ROBO2: variants seen among roughly 807,000 people sequenced by gnomAD.
ROBO2 encodes roundabout guidance receptor 2, also known as roundabout homolog 2.
A neutral mutation model predicts 160.8 loss-of-function variants in ROBO2; 53 were observed. The ratio of observed to expected loss-of-function variants is 0.33; its 90% confidence interval spans 0.26 to 0.41. ROBO2 has a LOEUF of 0.41. Among genes scored for constraint, ROBO2 ranks in the 10% least tolerant of loss-of-function variants. ROBO2 has a pLI of 1.00. For missense variants in ROBO2, 1,577 were observed against 1,722.4 expected, an observed-to-expected ratio of 0.92 and a Z score of 1.49; for synonymous variants, 664 against 611.7, an observed-to-expected ratio of 1.09 and a Z score of -1.26.
chr3:76,117,850 T>A (rs1372832217), intron 2 of ROBO2, among the ~76,000 whole-genome samples: 2 of 152,140 alleles, frequency 1.3e-5, no homozygotes, highest in Non-Finnish European at 2.9e-5. Context: ...TAAATCACTT[T>A]CACAGGAAAA....
intron 2 of ROBO2, among the ~76,000 whole-genome samples, chr3:76,426,648 T>A (rs1359934174): frequency 6.6e-6 from 1 of 152,096 alleles, no homozygotes; most frequent in Non-Finnish European, 1.5e-5. Flanking sequence ...TGGGCTTAGA[T>A]GAAAGGGGTG....
intron 2 of ROBO2, among the ~76,000 whole-genome samples, chr3:76,480,895 A>C (rs933746282): frequency 6.6e-6 from 1 of 152,214 alleles, no homozygotes; most frequent in Non-Finnish European, 1.5e-5. Flanking sequence ...ATTGGTTATC[A>C]CAAGAGTCTT....
chr3:77,310,011 A>G (rs1187917625), intron 2 of ROBO2, among the ~76,000 whole-genome samples: 2 of 152,170 alleles, frequency 1.3e-5, no homozygotes, highest in East Asian at 3.8e-4. Context: ...TCCATTAAAA[A>G]AGTTTAAAAG....
chr3:77,326,304 G>T (rs1198864974), intron 2 of ROBO2, among the ~76,000 whole-genome samples: 4 of 152,144 alleles, frequency 2.6e-5, no homozygotes, highest in Admixed American at 1.3e-4. Flanking sequence ...CAGTAGTAAA[G>T]ACTATTAGAA....
At position 76,628,490 on chromosome 3, in the gene ROBO2, A is replaced by C. The variant is rs2089819674; in HGVS notation, c.110-469524A>C. Among the ~76,000 whole-genome samples the C allele has an allele frequency of 2.0e-5, 3 of 150,196 alleles. No individual in the cohort carries two copies. In the South Asian group the frequency reaches 6.3e-4, roughly 32 times the overall value. Reference sequence around the variant, plus strand: ...GCTATGTTGTCCAGGCTTGTCCTAAACTCCTGGGCTCAAAGAATCACCTTC... The same window carrying C: ...GCTATGTTGTCCAGGCTTGTCCTAACCTCCTGGGCTCAAAGAATCACCTTC... On this transcript the variant is annotated intron_variant, in intron 2 of 26. Transcript: ENST00000487694.
In ROBO2 at chr3:76,239,489, G is replaced by A. The variant is rs1333390843; in HGVS notation, c.109+301887G>A. On this transcript the variant is annotated intron_variant, in intron 2 of 26. Transcript: ENST00000487694. Reference sequence around the variant, plus strand: ...TTATTTGGGTGTAGGTTCAAACCAAGCAACTATTGGACAGAACAGGCTCTG... The same window carrying A: ...TTATTTGGGTGTAGGTTCAAACCAAACAACTATTGGACAGAACAGGCTCTG... 2.0e-5 allele frequency among the ~76,000 whole-genome samples: 3 copies of A among 152,184 alleles called. No individual in the cohort carries two copies. In the East Asian group the frequency reaches 5.8e-4, roughly 30 times the overall value.
intron 2 of ROBO2, among the ~76,000 whole-genome samples, chr3:76,340,858 TTATAA>T (rs1256768695): frequency 1.3e-5 from 2 of 152,144 alleles, no homozygotes; most frequent in Non-Finnish European, 2.9e-5. Context: ...GCCACAAGAA[TTATAA>T]TATGTTAGTA....
intron 2 of ROBO2, among the ~76,000 whole-genome samples, chr3:76,413,557 A>G (rs2075603066): frequency 6.6e-6 from 1 of 152,160 alleles, no homozygotes; most frequent in Non-Finnish European, 1.5e-5. Flanking sequence ...TCAAAGTTCC[A>G]CAAATCTCTA....
At chr3:77,113,478 T>C (rs554971149) in intron 2 of ROBO2, among the ~76,000 whole-genome samples, 4 of 152,362 alleles carry the variant, frequency 2.6e-5, no homozygotes, top group Admixed American at 2.6e-4. Flanking sequence ...ATGTCATTAA[T>C]AGAGATGTAA....
intron 2 of ROBO2, among the ~76,000 whole-genome samples, chr3:76,200,799 G>GT (rs1177689592): frequency 6.6e-6 from 1 of 152,118 alleles, no homozygotes; most frequent in Non-Finnish European, 1.5e-5. Flanking sequence ...TCTTCACATT[G>GT]TTGCCTAGCC....
At chr3:76,789,366 C>T (rs747099225) in intron 2 of ROBO2, among the ~76,000 whole-genome samples, 3 of 151,566 alleles carry the variant, frequency 2.0e-5, no homozygotes, top group South Asian at 2.1e-4. Flanking sequence ...GAGCAGCCTG[C>T]GCTGGCAACT....
At chr3:76,843,907 G>C in intron 2 of ROBO2, among the ~76,000 whole-genome samples, 1 of 152,042 alleles carries the variant, frequency 6.6e-6, no homozygotes, top group East Asian at 1.9e-4. Flanking sequence ...AGCAAGAGGA[G>C]CTAAATTGCA....
chr3:77,248,599 C>T (rs2089997824), intron 2 of ROBO2, among the ~76,000 whole-genome samples: 1 of 152,182 alleles, frequency 6.6e-6, no homozygotes, highest in Admixed American at 6.5e-5. Context: ...GGTGCTCACC[C>T]CAGCTCCTGC....
At chr3:76,535,805 C>T (rs865805739) in intron 2 of ROBO2, among the ~76,000 whole-genome samples, 3 of 152,214 alleles carry the variant, frequency 2.0e-5, no homozygotes, top group Middle Eastern at 3.4e-3. Flanking sequence ...TGGGTAGCCC[C>T]TGTACCAATT....
At chr3:77,276,768 G>T (rs1469735375) in intron 2 of ROBO2, among the ~76,000 whole-genome samples, 1 of 152,104 alleles carries the variant, frequency 6.6e-6, no homozygotes, top group Non-Finnish European at 1.5e-5. Flanking sequence ...AAGGAAAGAG[G>T]TTTAATGGAC....
chr3:77,537,680 C>G (rs2092212782), intron 6 of ROBO2, among the ~76,000 whole-genome samples: 1 of 152,060 alleles, frequency 6.6e-6, no homozygotes. Context: ...AGGACATACC[C>G]AAGGCTGGGT....
At chr3:77,314,155 T>G (rs1422910471) in intron 2 of ROBO2, among the ~76,000 whole-genome samples, 3 of 152,186 alleles carry the variant, frequency 2.0e-5, no homozygotes, top group Non-Finnish European at 4.4e-5. Flanking sequence ...ACAAGTCACA[T>G]GCCACACATA....
chr3:76,756,858 T>C (rs1246844821), intron 2 of ROBO2, among the ~76,000 whole-genome samples: 2 of 151,736 alleles, frequency 1.3e-5, no homozygotes, highest in Admixed American at 1.3e-4. Context: ...TGAAGTTCTT[T>C]AAATTGCAAC....
chr3:76,127,520 C>A (rs189206836), intron 2 of ROBO2, among the ~76,000 whole-genome samples: 1 of 151,492 alleles, frequency 6.6e-6, no homozygotes, highest in East Asian at 1.9e-4. Context: ...TAGTTGGACA[C>A]GTTTATATAG....
Sources: gnomAD v4.1 joint callset for allele counts (sites outside exome capture counted in the v4.1 genomes callset) on GRCh38, gnomAD v4.1.1 for gene constraint, MANE v1.5 for transcripts, NCBI Gene and HGNC (gene_info 2026-07-23, HGNC 2026-07-21) for gene names.